Variants in SPARCL1 observed in about 807,000 individuals in gnomAD.
The protein encoded by SPARCL1 is SPARC like 1.
Under a neutral mutation model 67.1 loss-of-function variants are expected in SPARCL1, and 52 were observed. That is an observed-to-expected ratio of 0.78 (90% CI 0.62 to 0.98). The LOEUF is 0.98. Among genes scored for constraint, SPARCL1 ranks in the 50% least tolerant of loss-of-function variants. The pLI, the probability that SPARCL1 is intolerant of heterozygous loss-of-function variation, is 0.00. For missense variants in SPARCL1, 717 were observed against 782.4 expected, an observed-to-expected ratio of 0.92 and a Z score of 1.00; for synonymous variants, 226 against 267.8, an observed-to-expected ratio of 0.84 and a Z score of 1.52.
At chr4:87,474,842 A>C (rs992916207) in intron 10 of SPARCL1, among the ~76,000 whole-genome samples, 6 of 147,472 alleles carry the variant, frequency 4.1e-5, no homozygotes, top group Non-Finnish European at 5.9e-5. Flanking sequence ...TCCCGGGTTC[A>C]CGCCATTCTC....
At chr4:87,523,769 A>G (rs1006153113) in intron 1 of SPARCL1, among the ~76,000 whole-genome samples, 7 of 152,236 alleles carry the variant, frequency 4.6e-5, no homozygotes, top group African/African-American at 1.7e-4. Context: ...TGTGAACCAT[A>G]GATTAAATAT....
At position 87,473,422 on chromosome 4, in the gene SPARCL1, G is replaced by A. The variant is rs1435093099; in HGVS notation, c.*353C>T. 5.9e-6 allele frequency: 1 copy of A among 168,872 alleles called. No homozygotes were observed. The highest frequency in any genetic ancestry group is 1.3e-5 in the Non-Finnish European group (1 of 79,614). 10.5% of individuals were successfully genotyped at this position (168,872 alleles called of 1,614,324 possible). ...CAAAAGAGTAGCATTCCATTTTCTT[G>A]AAGTGCACATGATATTATGAACAAT... On this transcript the variant is annotated 3_prime_UTR_variant, in exon 11 of 11. Transcript: ENST00000282470.
In SPARCL1 at chr4:87,502,524, G is replaced by C. The variant is rs185620119; in HGVS notation, c.-11-2939C>G. Among the ~76,000 whole-genome samples, 329 of 152,202 alleles carry C rather than the reference G, an allele frequency of 2.2e-3. 2 individuals carry two copies. The highest frequency in any genetic ancestry group is 7.8e-3 in the African/African-American group (322 of 41,522). The stretch of plus-strand genomic sequence containing the variant: ...ATGAGTGAGAATATGCTTATATACT[G>C]TTAATTTTTTATTTCCCGAAGGCTT... On this transcript the variant is annotated intron_variant, in intron 1 of 10. Coordinates refer to ENST00000282470, the MANE Select transcript of SPARCL1 (RefSeq NM_004684.6).
chr4:87,490,668 C>G, intron 6 of SPARCL1, 92 bp downstream of exon 6: 1 of 922,292 alleles, frequency 1.1e-6, no homozygotes, highest in Non-Finnish European at 1.7e-6. Context: ...TAGGTATCTA[C>G]CTTTTTTAAG....
At chr4:87,499,945 A>G (rs1724780304) in intron 1 of SPARCL1, among the ~76,000 whole-genome samples, 1 of 152,226 alleles carries the variant, frequency 6.6e-6, no homozygotes, top group Non-Finnish European at 1.5e-5. Context: ...CTGCCTGTTT[A>G]GTGGTAAAGA....
chr4:87,511,312 T>C (rs961722873), intron 1 of SPARCL1, among the ~76,000 whole-genome samples: 28 of 152,318 alleles, frequency 1.8e-4, no homozygotes, highest in Non-Finnish European at 1.6e-4. Flanking sequence ...ACATTTCTCA[T>C]ATGAACAACT....
At chr4:87,507,368 G>C (rs539710464) in intron 1 of SPARCL1, among the ~76,000 whole-genome samples, 7 of 152,248 alleles carry the variant, frequency 4.6e-5, no homozygotes, top group Admixed American at 3.9e-4. Flanking sequence ...GATCTCACAA[G>C]TTCCCTTCAT....
chr4:87,499,194 A>G (rs1397891948), intron 2 of SPARCL1, among the ~76,000 whole-genome samples: 4 of 152,154 alleles, frequency 2.6e-5, no homozygotes, highest in African/African-American at 9.7e-5. Flanking sequence ...TGGGTTTATA[A>G]TAACAATGTG....
At chr4:87,506,194 A>C (rs542105515) in intron 1 of SPARCL1, among the ~76,000 whole-genome samples, 1 of 152,292 alleles carries the variant, frequency 6.6e-6, no homozygotes, top group East Asian at 1.9e-4. Context: ...TTCAGATTAG[A>C]GAGACATGCA....
rs60057481 is a variant in SPARCL1, at chr4:87,503,683, C to CTTT, written c.-11-4101_-11-4099dup. ...TCAGCAAATGAAGTTTTTTTTTTTC[C>CTTT]TTTTTTTTTTTTTAATACAGAGTCT... On this transcript the variant is annotated intron_variant, in intron 1 of 10. Transcript: ENST00000282470. 1.0e-3 allele frequency among the ~76,000 whole-genome samples: 140 copies of CTTT among 138,052 alleles called. 1 individual carries two copies. Among genetic ancestry groups the CTTT allele is most frequent in the East Asian group, 6.3e-3 (30 of 4,740 alleles). 90.6% of individuals were successfully genotyped at this position (138,052 alleles called of 152,430 possible).
At position 87,494,493 on chromosome 4, in the gene SPARCL1, T is replaced by C. The variant is rs551345005; in HGVS notation, c.307A>G (p.Ser103Gly). Residue 103 changes from serine to glycine, a missense_variant, in exon 4 of 11, where the codon AGT becomes GGT. Coordinates refer to ENST00000282470, the MANE Select transcript of SPARCL1 (RefSeq NM_004684.6). Reference protein sequence around the residue: ...QELGLKDQEDSDGHLSVNLEY... With the variant: ...QELGLKDQEDGDGHLSVNLEY... The stretch of plus-strand genomic sequence containing the variant: ...AAATTCACACTTAAGTGACCATCAC[T>C]GTCCTCTTGATCCTTCAATCCCAGC... 10 of 1,614,178 alleles carry C rather than the reference T, an allele frequency of 6.2e-6. No homozygotes were observed. In the South Asian group the frequency reaches 9.9e-5, roughly 16 times the overall value.
intron 1 of SPARCL1, chr4:87,528,506 TTAAAAA>T (rs1296453183): frequency 6.6e-6 from 1 of 152,120 alleles, no homozygotes; most frequent in African/African-American, 2.4e-5. Context: ...TCGCAATAAC[TTAAAAA>T]TAATCAAACA....
intron 1 of SPARCL1, among the ~76,000 whole-genome samples, chr4:87,512,272 G>T (rs1725396924): frequency 6.6e-6 from 1 of 151,988 alleles, no homozygotes; most frequent in South Asian, 2.1e-4. Flanking sequence ...CCCGGCCCCA[G>T]ATTTCCCTTC....
chr4:87,493,777 G>C lies in SPARCL1; in HGVS notation c.1023C>G (p.Gly341=), dbSNP rs756426069. Residue 341 remains glycine, a synonymous_variant, in exon 4 of 11, where the codon GGC becomes GGG. Coordinates refer to ENST00000282470, the MANE Select transcript of SPARCL1 (RefSeq NM_004684.6). The stretch of plus-strand genomic sequence containing the variant: ...TGCCGCCATCATCGCCATCATCATC[G>C]CCATCATCATCAACTCCATGATTTC... ...TPRNHGVDDD[G]DDDGDDGGTD... The C allele has an allele frequency of 6.2e-7, 1 of 1,613,944 alleles. No homozygotes were observed. Among genetic ancestry groups the C allele is most frequent in the African/African-American group, 1.3e-5 (1 of 74,980 alleles).
chr4:87,507,506 A>C (rs6811470), intron 1 of SPARCL1, among the ~76,000 whole-genome samples: 1 of 151,670 alleles, frequency 6.6e-6, no homozygotes. Flanking sequence ...CCTAAGCACA[A>C]GGACACATAG....
chr4:87,499,379 T>A, intron 2 of SPARCL1, 142 bp downstream of exon 2: 3 of 781,514 alleles, frequency 3.8e-6, no homozygotes, highest in Non-Finnish European at 6.1e-6. Context: ...AGTTATTTGT[T>A]TGTTACTTGG....
chr4:87,509,598 A>T (rs1725260460), intron 1 of SPARCL1, among the ~76,000 whole-genome samples: 1 of 152,220 alleles, frequency 6.6e-6, no homozygotes, highest in Non-Finnish European at 1.5e-5. Context: ...TTGCAGAAGC[A>T]TCGAGTCTCT....
chr4:87,486,271 A>C (rs1724053728), intron 7 of SPARCL1, among the ~76,000 whole-genome samples: 1 of 151,974 alleles, frequency 6.6e-6, no homozygotes, highest in African/African-American at 2.4e-5. Flanking sequence ...TTTTGTCTTC[A>C]TTCTCATTGG....
intron 2 of SPARCL1, among the ~76,000 whole-genome samples, chr4:87,496,866 T>A (rs1243735065): frequency 6.6e-6 from 1 of 152,148 alleles, no homozygotes; most frequent in African/African-American, 2.4e-5. Flanking sequence ...GTACAGGATT[T>A]ATTTTTTATT....
Sources: gnomAD v4.1 joint callset for allele counts (sites outside exome capture counted in the v4.1 genomes callset) on GRCh38, gnomAD v4.1.1 for gene constraint, MANE v1.5 for transcripts, NCBI Gene and HGNC (gene_info 2026-07-23, HGNC 2026-07-21) for gene names.